The following ADAM19 variants were observed in gnomAD, a reference collection of about 807,000 sequenced individuals.
The protein encoded by ADAM19 is disintegrin and metalloproteinase domain-containing protein 19.
In ADAM19, 65 loss-of-function variants were observed where a neutral mutation model predicts 114.7. That is an observed-to-expected ratio of 0.57 (90% CI 0.46 to 0.70). The LOEUF (loss-of-function observed/expected upper bound fraction) is 0.70, where lower values mean the gene tolerates loss of function less well. Ranked by LOEUF, ADAM19 falls within the 30% of genes least tolerant of loss-of-function variation. The pLI is 0.00. For synonymous variants in ADAM19, 466 were observed against 460.5 expected (o/e 1.01, Z -0.15); for missense variants, 1,063 against 1,204.7 (o/e 0.88, Z 1.74).
intron 16 of ADAM19, 150 bp from the exon 17 acceptor site, chr5:157,492,062 T>A (rs1014759272): frequency 7.6e-6 from 5 of 656,634 alleles, no homozygotes; most frequent in Admixed American, 2.3e-5. Context: ...GAGGCTGAGG[T>A]GGGCGGATCA....
At chr5:157,525,096 C>G (rs1184632727) in intron 5 of ADAM19, among the ~76,000 whole-genome samples, 3 of 152,198 alleles carry the variant, frequency 2.0e-5, no homozygotes, top group Non-Finnish European at 4.4e-5. Context: ...ATGGATGAGA[C>G]AACTGAGACT....
intron 3 of ADAM19, among the ~76,000 whole-genome samples, chr5:157,558,107 C>A (rs1757415638): frequency 1.3e-5 from 2 of 152,256 alleles, no homozygotes; most frequent in Non-Finnish European, 2.9e-5. Context: ...ACTACCAGGT[C>A]TCTCTGGAAT....
intron 5 of ADAM19, among the ~76,000 whole-genome samples, chr5:157,524,874 G>GATTAAAA (rs1456589220): frequency 3.3e-5 from 5 of 152,168 alleles, no homozygotes; most frequent in African/African-American, 9.7e-5. Flanking sequence ...AACAGCTAAC[G>GATTAAAA]GTCATTGATT....
chr5:157,506,168 G>A (rs1172082637), intron 10 of ADAM19, among the ~76,000 whole-genome samples: 6 of 152,018 alleles, frequency 3.9e-5, no homozygotes, highest in African/African-American at 7.3e-5. Flanking sequence ...TAGAAAACAC[G>A]ACCTTGATTC....
chr5:157,551,247 A>C (rs1473089155), intron 3 of ADAM19, among the ~76,000 whole-genome samples: 1 of 152,032 alleles, frequency 6.6e-6, no homozygotes, highest in African/African-American at 2.4e-5. Context: ...TCTACTAAAA[A>C]GAAAATAATT....
chr5:157,537,773 T>C (rs576295389), intron 4 of ADAM19, 140 bp downstream of exon 4: 1 of 662,724 alleles, frequency 1.5e-6, no homozygotes, highest in Admixed American at 3.0e-5. Context: ...GTTTTGCTTC[T>C]CGTTTGCTCC....
chr5:157,477,825 T>C lies in ADAM19; in HGVS notation c.*3124A>G, dbSNP rs925914130. On this transcript the variant is annotated 3_prime_UTR_variant, in exon 23 of 23. Transcript: ENST00000257527. ...TATTGCAGGAGGTGGGGAGGGGCTA[T>C]TGCTTCAGGGGGAAGGGACTATGGC... 1.1e-6 allele frequency: 1 copy of C among 879,532 alleles called. No individual in the cohort carries two copies. Among genetic ancestry groups the C allele is most frequent in the East Asian group, 6.2e-5 (1 of 16,054 alleles). The allele number at this position is 879,532 out of a possible 1,614,324, so 54.5% of individuals were successfully genotyped here. A position where few individuals can be genotyped will look rare whatever the true frequency, so the allele number is the denominator to read the frequency against.
intron 7 of ADAM19, among the ~76,000 whole-genome samples, chr5:157,516,564 A>C (rs189968960): frequency 7.9e-5 from 12 of 152,322 alleles, no homozygotes; most frequent in African/African-American, 2.9e-4. Flanking sequence ...GAACAATGCA[A>C]GGCCAAAGGG....
intron 20 of ADAM19, 22 bp from the exon 21 acceptor site, chr5:157,488,511 C>G: frequency 2.6e-6 from 4 of 1,534,808 alleles, no homozygotes; most frequent in South Asian, 1.2e-5. Context: ...AGTCAAGGAA[C>G]ACCTGAGACA....
chr5:157,485,417 C>T (rs565177517), intron 21 of ADAM19, among the ~76,000 whole-genome samples: 28 of 152,198 alleles, frequency 1.8e-4, no homozygotes, highest in Non-Finnish European at 3.5e-4. Context: ...AGTAGATTAA[C>T]AGCTTCAGAA....
At chr5:157,518,785 G>T in intron 7 of ADAM19, 38 bp downstream of exon 7, 1 of 1,502,298 alleles carries the variant, frequency 6.7e-7, no homozygotes, top group Non-Finnish European at 9.3e-7. Context: ...GCTATCAAGA[G>T]AGCAGTTTTT....
In ADAM19 at chr5:157,478,861, T is replaced by C. The variant is rs1018301909; in HGVS notation, c.*2088A>G. ...CTGCAGGTTCAGATGGCTCATGCAG[T>C]CACTATGGCTGTGGCGCTGTCATTT... On this transcript the variant is annotated 3_prime_UTR_variant, in exon 23 of 23. Coordinates refer to ENST00000257527, the MANE Select transcript of ADAM19 (RefSeq NM_033274.5). 8 of 985,774 alleles carry C rather than the reference T, an allele frequency of 8.1e-6. No individual in the cohort carries two copies. In the African/African-American group the frequency reaches 1.4e-4, roughly 17 times the overall value. The allele number at this position is 985,774 out of a possible 1,614,324, so 61.1% of individuals were successfully genotyped here.
At chr5:157,507,196 A>G (rs1755772381) in intron 9 of ADAM19, 56 bp from the exon 10 acceptor site, 2 of 1,560,416 alleles carry the variant, frequency 1.3e-6, no homozygotes, top group Non-Finnish European at 1.8e-6. Flanking sequence ...GGCTGTTCCA[A>G]TGTGCCTGGG....
chr5:157,575,205 G>C (rs1413229125), intron 1 of ADAM19, among the ~76,000 whole-genome samples: 1 of 152,216 alleles, frequency 6.6e-6, no homozygotes, highest in East Asian at 1.9e-4. Context: ...CGGGATGCTC[G>C]GCGTTGGCGA....
At position 157,478,357 on chromosome 5, in the gene ADAM19, A is replaced by C. The variant is rs1754656733; in HGVS notation, c.*2592T>G. ...TCCCTGAACGTGGTTCTTTCTAGCCATGTTTACTTCTTCCAATAAAAGAAA... is the reference window on the plus strand; with the variant it reads ...TCCCTGAACGTGGTTCTTTCTAGCCCTGTTTACTTCTTCCAATAAAAGAAA... On this transcript the variant is annotated 3_prime_UTR_variant, in exon 23 of 23. Coordinates refer to ENST00000257527, the MANE Select transcript of ADAM19 (RefSeq NM_033274.5). 6.5e-6 allele frequency: 1 copy of C among 154,384 alleles called. No individual in the cohort carries two copies. The highest frequency in any genetic ancestry group is 1.4e-5 in the Non-Finnish European group (1 of 71,424). 9.6% of individuals were successfully genotyped at this position (154,384 alleles called of 1,614,324 possible). A position where few individuals can be genotyped will look rare whatever the true frequency, so the allele number is the denominator to read the frequency against.
At chr5:157,573,639 A>C (rs1439420986) in intron 1 of ADAM19, among the ~76,000 whole-genome samples, 1 of 152,052 alleles carries the variant, frequency 6.6e-6, no homozygotes, top group East Asian at 1.9e-4. Flanking sequence ...CCAGCTACTC[A>C]GGAGGCTGAG....
intron 5 of ADAM19, among the ~76,000 whole-genome samples, chr5:157,521,405 C>A (rs910518833): frequency 6.6e-6 from 1 of 152,178 alleles, no homozygotes. Flanking sequence ...CATCTCCAAC[C>A]CAGTCTTTGC....
intron 8 of ADAM19, among the ~76,000 whole-genome samples, chr5:157,512,350 T>A (rs1755948543): frequency 6.6e-6 from 1 of 152,214 alleles, no homozygotes; most frequent in Non-Finnish European, 1.5e-5. Flanking sequence ...TCTCCTATAT[T>A]CTCTAGTGTT....
At position 157,532,177 on chromosome 5, in the gene ADAM19, C is replaced by G. The variant is rs114990221; in HGVS notation, c.331-1294G>C. On this transcript the variant is annotated intron_variant, in intron 4 of 22. Transcript: ENST00000257527. ...GTGTCTCATGGCTGTCAGAATTTCT[C>G]CATCACTACAAACAGCTGTGACCAC... 7.9e-3 allele frequency among the ~76,000 whole-genome samples: 1,210 copies of G among 152,280 alleles called. 9 individuals are homozygous for G. Among genetic ancestry groups the G allele is most frequent in the Non-Finnish European group, 0.014 (932 of 68,010 alleles).
Sources: gnomAD v4.1 joint callset for allele counts (sites outside exome capture counted in the v4.1 genomes callset) on GRCh38, gnomAD v4.1.1 for gene constraint, MANE v1.5 for transcripts, NCBI Gene and HGNC (gene_info 2026-07-23, HGNC 2026-07-21) for gene names.